Variants in USP26 observed in about 807,000 individuals in gnomAD.
USP26 encodes ubiquitin carboxyl-terminal hydrolase 26.
For synonymous variants in USP26, 236 were observed against 240.6 expected (o/e 0.98, Z 0.18); for missense variants, 649 against 642.3 (o/e 1.01, Z -0.11).
chrX:133,076,930 A>G (rs1503895), intron 5 of USP26, among the ~76,000 whole-genome samples: 39,737 of 111,417 alleles, frequency 0.36, 6,301 homozygotes, highest in Middle Eastern at 0.52. Context: ...ATAAATGTGT[A>G]TTATTTTAAG....
chrX:133,061,309 T>A (rs983415769), intron 5 of USP26, among the ~76,000 whole-genome samples: 1 of 112,303 alleles, frequency 8.9e-6, no homozygotes. Flanking sequence ...CATTTGAGAG[T>A]CTTTCATGAA....
rs1166700787 is a variant in USP26 at position 133,054,544 on chromosome X, C to A, written c.-76-26248G>T. On this transcript the variant is annotated intron_variant, in intron 5 of 5. Transcript: ENST00000511190. ...AGAGGACTTCTTAACATAATAATAG[C>A]ATCTTAACAATTCGCTGGAATGCAT... is the stretch of plus-strand genomic sequence containing the variant. Among the ~76,000 whole-genome samples the A allele has an allele frequency of 2.7e-5, 3 of 111,626 alleles. No homozygotes were observed. In the East Asian group the frequency reaches 8.4e-4, roughly 31 times the overall value.
intron 4 of USP26, among the ~76,000 whole-genome samples, chrX:133,086,284 C>T (rs1360062257): frequency 8.9e-6 from 1 of 111,742 alleles, no homozygotes; most frequent in Non-Finnish European, 1.9e-5. Context: ...TTAGAATTTT[C>T]ACTTTGCAAA....
At chrX:133,075,677 G>A (rs763470587) in intron 5 of USP26, among the ~76,000 whole-genome samples, 153 of 111,306 alleles carry the variant, frequency 1.4e-3, no homozygotes, top group African/African-American at 4.8e-3. Flanking sequence ...GTTATAGGAG[G>A]AGGTAAAAAA....
chrX:133,059,680 C>G (rs191587956), intron 5 of USP26, among the ~76,000 whole-genome samples: 1,155 of 110,280 alleles, frequency 0.01, 13 homozygotes, highest in African/African-American at 0.036. Context: ...TTCTCTCCCC[C>G]TAAAGTTCTT....
intron 5 of USP26, among the ~76,000 whole-genome samples, chrX:133,071,559 A>G (rs1001127462): frequency 2.7e-5 from 3 of 111,198 alleles, no homozygotes; most frequent in African/African-American, 9.8e-5. Context: ...TTTAAAAGCA[A>G]CCCAACAATA....
intron 5 of USP26, among the ~76,000 whole-genome samples, chrX:133,064,019 A>G (rs2067503341): frequency 8.9e-6 from 1 of 112,409 alleles, no homozygotes; most frequent in Non-Finnish European, 1.9e-5. Flanking sequence ...GGTTCAAAAT[A>G]AAGGGATGGA....
Position 133,026,779 on chromosome X carries a change from G to T in USP26, c.1442C>A (p.Ser481Tyr). ...RIKAHPSSIQSTFDLFFGAEE... is the reference protein window; with the variant it reads ...RIKAHPSSIQYTFDLFFGAEE... Reference sequence around the variant, plus strand: ...TGCTCCAAAAAAAAGATCAAAAGTAGACTGAATAGATGAAGGATGTGCTTT... The same window carrying T: ...TGCTCCAAAAAAAAGATCAAAAGTATACTGAATAGATGAAGGATGTGCTTT... Residue 481 changes from serine (S) to tyrosine (Y), a missense_variant, in exon 6 of 6, where the codon TCT becomes TAT. Coordinates refer to ENST00000511190, the MANE Select transcript of USP26 (RefSeq NM_031907.3). 8.3e-7 allele frequency: 1 copy of T among 1,210,942 alleles called. No homozygotes were observed. Among genetic ancestry groups the T allele is most frequent in the Non-Finnish European group, 1.1e-6 (1 of 895,236 alleles).
At chrX:133,082,755 G>A (rs2067574661) in intron 5 of USP26, among the ~76,000 whole-genome samples, 1 of 111,563 alleles carries the variant, frequency 9.0e-6, no homozygotes. Context: ...GACTCTCAGT[G>A]ACCAAGAGAT....
rs1185497454 is a variant in USP26, at chrX:133,027,087, A to G, written c.1134T>C (p.Asn378=). The part of the protein sequence containing the change: ...ISAAAEIFHG[N]AQNDAHEFLA... ...AAAACTCATGAGCATCGTTCTGTGC[A>G]TTGCCATGGAATATCTCTGCAGCTG... The change falls in exon 6 of 6, where the codon AAT becomes AAC. Residue 378 remains asparagine, a synonymous_variant. Transcript: ENST00000511190. 8.3e-7 allele frequency: 1 copy of G among 1,210,899 alleles called. No homozygotes were observed. Among genetic ancestry groups the G allele is most frequent in the Non-Finnish European group, 1.1e-6 (1 of 894,662 alleles).
At chrX:133,045,527 C>T (rs2067435930) in intron 5 of USP26, among the ~76,000 whole-genome samples, 1 of 112,116 alleles carries the variant, frequency 8.9e-6, no homozygotes, top group African/African-American at 3.2e-5. Flanking sequence ...TGGGTCCACA[C>T]TGCCTTTATG....
chrX:133,085,647 T>C (rs756172814), intron 4 of USP26, among the ~76,000 whole-genome samples: 16 of 112,383 alleles, frequency 1.4e-4, no homozygotes, highest in South Asian at 7.5e-4. Context: ...TTCAGAACAT[T>C]AGATTCAACG....
chrX:133,079,390 C>T (rs111316296), intron 5 of USP26, among the ~76,000 whole-genome samples: 3 of 111,783 alleles, frequency 2.7e-5, no homozygotes, highest in Admixed American at 9.6e-5. Context: ...GTTAAGGAAA[C>T]GAAAGTTCAG....
chrX:133,086,199 CGTT>C (rs1157385317), intron 4 of USP26, among the ~76,000 whole-genome samples: 9 of 112,171 alleles, frequency 8.0e-5, no homozygotes, highest in African/African-American at 2.9e-4. Context: ...CAATAAATGA[CGTT>C]GTGCTAAAGT....
rs755944526 is a variant in USP26, at chrX:133,060,284, G to A, written c.-77+23423C>T. Among the ~76,000 whole-genome samples, 179 of 111,896 alleles carry A rather than the reference G, an allele frequency of 1.6e-3. 2 individuals carry two copies. Among genetic ancestry groups the A allele is most frequent in the African/African-American group, 5.4e-3 (166 of 30,893 alleles). On this transcript the variant is annotated intron_variant, in intron 5 of 5. Transcript: ENST00000511190. Reference sequence around the variant, plus strand: ...AATGCATTCTGTTCAGTAGGTTAATGCTGAAAGTACTAAAATCTGACACTA... The same window carrying A: ...AATGCATTCTGTTCAGTAGGTTAATACTGAAAGTACTAAAATCTGACACTA...
rs557573042 is a variant in USP26 at position 133,074,084 on chromosome X, C to T, written c.-77+9623G>A. On this transcript the variant is annotated intron_variant, in intron 5 of 5. Transcript: ENST00000511190. ...CAACAACATATAGCAGGAGGCAAGA[C>T]TTTGGTCTCAGCTCAATCACAATCT... Among the ~76,000 whole-genome samples, 10 of 112,018 alleles carry T rather than the reference C, an allele frequency of 8.9e-5. No individual in the cohort carries two copies. The South Asian group carries it at 3.4e-3, about 38-fold the overall frequency.
intron 5 of USP26, among the ~76,000 whole-genome samples, chrX:133,031,471 CA>C (rs200358072): frequency 0.023 from 2,555 of 111,554 alleles, 43 homozygotes; most frequent in African/African-American, 0.068. Context: ...CTTCTAAGTA[CA>C]AAATACTTAC....
rs371410425 is a variant in USP26, at chrX:133,027,683, T to C, written c.538A>G (p.Arg180Gly). 1.8e-5 allele frequency: 22 copies of C among 1,207,457 alleles called. No individual in the cohort carries two copies. Among genetic ancestry groups the C allele is most frequent in the Non-Finnish European group, 2.5e-5 (22 of 893,272 alleles). ...GELSENQHKK[R>G]KRMLSSSSEM... ...GAGCTAGATGAGAGCATTCTTTTCC[T>C]CTTCTTGTGCTGATTTTCTGATAAC... The change falls in exon 6 of 6, where the codon AGG becomes GGG. Residue 180 changes from arginine to glycine, a missense_variant. Physicochemically the swap from Arg to Gly is moderately radical, Grantham distance 125 (BLOSUM62 -2). Transcript: ENST00000511190.
rs375861990 is a variant in USP26, at chrX:133,061,610, T to G, written c.-77+22097A>C. Among the ~76,000 whole-genome samples, 297 of 112,043 alleles carry G rather than the reference T, an allele frequency of 2.7e-3. 2 individuals carry two copies. The highest frequency in any genetic ancestry group is 9.2e-3 in the African/African-American group (283 of 30,852). On this transcript the variant is annotated intron_variant, in intron 5 of 5. Coordinates refer to ENST00000511190, the MANE Select transcript of USP26 (RefSeq NM_031907.3). The stretch of plus-strand genomic sequence containing the variant: ...TTCCAACTGAGGTACCCTGTTAATC[T>G]CACTGGGACTGGTTAGGCAGTGGGT...
Sources: allele counts gnomAD v4.1 joint callset (sites outside exome capture counted in the v4.1 genomes callset), GRCh38; gene constraint gnomAD v4.1.1; transcripts MANE v1.5; gene names NCBI Gene and HGNC (gene_info 2026-07-23, HGNC 2026-07-21).